The following H2AC8 variants were observed in gnomAD, a reference collection of about 807,000 sequenced individuals.
H2AC8 encodes H2A clustered histone 8.
Under a neutral mutation model 6.3 loss-of-function variants are expected in H2AC8, and 9 were observed. The ratio of observed to expected loss-of-function variants is 1.43; its 90% CI spans 0.86 to 2.49. The LOEUF (loss-of-function observed/expected upper bound fraction) is 2.49. H2AC8 is among the 30% of genes most tolerant of loss of function. The pLI is 0.00. For synonymous variants in H2AC8, 176 were observed against 79.6 expected (o/e 2.21, Z -6.45); for missense variants, 141 against 177.5 (o/e 0.79, Z 1.17).
upstream of H2AC8, chr6:26,216,939 G>A (rs1303868105): frequency 2.5e-6 from 4 of 1,610,634 alleles, no homozygotes; most frequent in Non-Finnish European, 2.5e-6. Context: ...TCTTTATTCA[G>A]TGGATTGTTA....
exon 1 of H2AC8, chr6:26,217,429 A>G (rs1765438291): frequency 6.5e-7 from 1 of 1,549,882 alleles, no homozygotes; most frequent in Non-Finnish European, 8.8e-7. Context: ...CTCTTTTCAG[A>G]GCCACCCACC....
At chr6:26,217,025 G>T in exon 1 of H2AC8, 1 of 1,614,186 alleles carries the variant, frequency 6.2e-7, no homozygotes, top group Non-Finnish European at 8.5e-7. Flanking sequence ...AAGCTAAAAC[G>T]CGTTCTTCCA....
exon 1 of H2AC8, chr6:26,217,376 C>G (rs201775863): frequency 6.2e-7 from 1 of 1,603,600 alleles, no homozygotes; most frequent in Non-Finnish European, 8.5e-7. Flanking sequence ...GAAATGATTA[C>G]TAGTCAAATC....
In H2AC8 at chr6:26,217,035, AG is replaced by A. The variant is rs1765426365; in HGVS notation, c.64del (p.Ala22ProfsTer38). ...GGCAAAAGCTAAAACGCGTTCTTCC[AG>A]GGCCGGTCTTCAGTTTCCAGTTGGC... On this transcript the variant is annotated frameshift_variant, in exon 1 of 1. Transcript: ENST00000303910. LOFTEE classifies it high-confidence loss of function. 6.2e-7 allele frequency: 1 copy of A among 1,614,120 alleles called. No individual in the cohort carries two copies. The highest frequency in any genetic ancestry group is 8.5e-7 in the Non-Finnish European group (1 of 1,180,054).
At chr6:26,217,101 C>A (rs1396727697) in exon 1 of H2AC8, 6 of 1,614,202 alleles carry the variant, frequency 3.7e-6, no homozygotes, top group Admixed American at 1.7e-5. Flanking sequence ...CTACTCCGAA[C>A]GAGTCGGGGC....
chr6:26,217,073 C>T (rs760187712), exon 1 of H2AC8: 3 of 1,614,194 alleles, frequency 1.9e-6, no homozygotes, highest in Non-Finnish European at 2.5e-6. Flanking sequence ...GTGTGCACCG[C>T]CTCCTCCGCA....
chr6:26,216,965 G>A (rs781136585), upstream of H2AC8: 22 of 1,613,864 alleles, frequency 1.4e-5, no homozygotes, highest in Admixed American at 8.3e-5. Context: ...TCTGCTGTTA[G>A]GAAGCCACTA....
exon 1 of H2AC8, chr6:26,217,005 G>C (rs761349300): frequency 3.7e-6 from 6 of 1,614,194 alleles, no homozygotes; most frequent in South Asian, 3.3e-5. Flanking sequence ...AGGCGGCAAA[G>C]CTCGGGCAAA....
exon 1 of H2AC8, chr6:26,217,323 C>T: frequency 6.2e-7 from 1 of 1,614,216 alleles, no homozygotes; most frequent in Non-Finnish European, 8.5e-7. Flanking sequence ...GGCCGTATTG[C>T]TGCCTAAGAA....
rs146068203 is a variant in H2AC8, at chr6:26,217,224, C to T, written c.250C>T (p.Leu84=). 3.3e-5 allele frequency: 54 copies of T among 1,614,120 alleles called. No homozygotes were observed. The African/African-American group carries it at 6.3e-4, about 19-fold the overall frequency. The change falls in exon 1 of 1, where the codon CTG becomes TTG. Residue 84 remains leucine, a synonymous_variant. Transcript: ENST00000303910. ...GAAGACCCGCATCATCCCGCGCCACCTGCAGCTAGCCATCCGCAACGACGA... is the reference window on the plus strand; with the variant it reads ...GAAGACCCGCATCATCCCGCGCCACTTGCAGCTAGCCATCCGCAACGACGA...
chr6:26,217,332 A>T lies in H2AC8; in HGVS notation c.358A>T (p.Lys120Ter). 1 of 1,614,170 alleles carries T rather than the reference A, an allele frequency of 6.2e-7. No individual in the cohort carries two copies. The highest frequency in any genetic ancestry group is 8.5e-7 in the Non-Finnish European group (1 of 1,180,030). Residue 120 changes from lysine (K) to a stop codon, truncating the protein, a stop_gained, in exon 1 of 1, where the codon AAG becomes TAG. Coordinates refer to ENST00000303910, the Ensembl canonical transcript of H2AC8. LOFTEE classifies it high-confidence loss of function. ...CATCCAGGCCGTATTGCTGCCTAAG[A>T]AGACGGAGAGCCACCATAAGGCCAA... is the stretch of plus-strand genomic sequence containing the variant.
chr6:26,217,020 A>G (rs555371151), exon 1 of H2AC8: 1 of 1,614,216 alleles, frequency 6.2e-7, no homozygotes, highest in African/African-American at 1.3e-5. Context: ...GGCAAAAGCT[A>G]AAACGCGTTC....
exon 1 of H2AC8, chr6:26,217,290 G>A: frequency 6.2e-7 from 1 of 1,614,210 alleles, no homozygotes; most frequent in Non-Finnish European, 8.5e-7. Context: ...CATCGCGCAG[G>A]GCGGTGTCCT....
chr6:26,217,095 T>C (rs778147119), exon 1 of H2AC8: 2 of 1,614,150 alleles, frequency 1.2e-6, no homozygotes, highest in Non-Finnish European at 1.7e-6. Flanking sequence ...AGGCAACTAC[T>C]CCGAACGAGT....
At chr6:26,216,982 G>A in exon 1 of H2AC8, 2 of 1,614,086 alleles carry the variant, frequency 1.2e-6, no homozygotes, top group Non-Finnish European at 1.7e-6. Context: ...ACTATGTCTG[G>A]ACGTGGAAAG....
At chr6:26,216,933 T>C (rs373926772), upstream of H2AC8, 1 of 1,607,634 alleles carries the variant, frequency 6.2e-7, no homozygotes, top group Non-Finnish European at 8.5e-7. Flanking sequence ...TCTTTTTCTT[T>C]ATTCAGTGGA....
upstream of H2AC8, chr6:26,216,929 T>C (rs961634975): frequency 1.2e-5 from 19 of 1,605,586 alleles, no homozygotes; most frequent in Middle Eastern, 1.7e-4. Flanking sequence ...CCATTCTTTT[T>C]CTTTATTCAG....
At chr6:26,216,977 G>A (rs1765424368) in exon 1 of H2AC8, 16 of 1,614,124 alleles carry the variant, frequency 9.9e-6, no homozygotes, top group Non-Finnish European at 1.3e-5. Flanking sequence ...AAGCCACTAT[G>A]TCTGGACGTG....
At chr6:26,217,430 G>A (rs1765438351) in exon 1 of H2AC8, 1 of 1,543,654 alleles carries the variant, frequency 6.5e-7, no homozygotes, top group Non-Finnish European at 8.8e-7. Context: ...TCTTTTCAGA[G>A]CCACCCACCT....
Sources: gnomAD v4.1 joint callset for allele counts on GRCh38, gnomAD v4.1.1 for gene constraint, MANE v1.5 for transcripts, NCBI Gene and HGNC (gene_info 2026-07-23, HGNC 2026-07-21) for gene names.